DLGAP1: variants seen among roughly 807,000 people sequenced by gnomAD.
DLGAP1 encodes DLG associated protein 1.
DLGAP1 carries 11 observed loss-of-function variants against 90.8 expected under a neutral mutation model. The ratio of observed to expected loss-of-function variants is 0.12; its 90% CI spans 0.08 to 0.20. The LOEUF is 0.20. Among genes scored for constraint, DLGAP1 ranks in the 10% least tolerant of loss-of-function variants. The pLI is 1.00. For missense variants in DLGAP1, 1,050 were observed against 1,333.8 expected, an observed-to-expected ratio of 0.79 and a Z score of 3.31; for synonymous variants, 558 against 540.7, an observed-to-expected ratio of 1.03 and a Z score of -0.44.
chr18:3,616,396 G>A (rs764504952), intron 7 of DLGAP1, among the ~76,000 whole-genome samples: 9 of 152,110 alleles, frequency 5.9e-5, no homozygotes, highest in Non-Finnish European at 1.2e-4. Flanking sequence ...AGCCCATTCG[G>A]TGGTCTGAGG....
chr18:3,793,208 C>T (rs2065825194), intron 5 of DLGAP1, among the ~76,000 whole-genome samples: 2 of 152,142 alleles, frequency 1.3e-5, no homozygotes, highest in South Asian at 4.1e-4. Flanking sequence ...TCCATGTGAT[C>T]CAATGGCCAG....
intron 7 of DLGAP1, among the ~76,000 whole-genome samples, chr18:3,645,606 C>T (rs1465603244): frequency 6.6e-6 from 1 of 152,166 alleles, no homozygotes; most frequent in African/African-American, 2.4e-5. Flanking sequence ...CTTGCAAAAC[C>T]TAGACATGTG....
chr18:4,168,126 G>C (rs2076961528), intron 1 of DLGAP1, among the ~76,000 whole-genome samples: 1 of 152,104 alleles, frequency 6.6e-6, no homozygotes, highest in Admixed American at 6.5e-5. Flanking sequence ...CGCTGGAATA[G>C]CTAAAATAAT....
rs1344658607 is a variant in DLGAP1, at chr18:3,775,868, G to A, written c.1173-33356C>T. ...CCCTTCCCAGAGATAAACAACCCTG[G>A]CTTCTGATACCATAGATTCGTTTGG... On this transcript the variant is annotated intron_variant, in intron 5 of 12. Transcript: ENST00000315677. This position sits in a 1 kb window ranked among gnomAD's most constrained non-coding sequence, Gnocchi z 4.9. 6.6e-6 allele frequency among the ~76,000 whole-genome samples: 1 copy of A among 152,066 alleles called. No individual in the cohort carries two copies. The highest frequency in any genetic ancestry group is 1.5e-5 in the Non-Finnish European group (1 of 68,032).
intron 1 of DLGAP1, among the ~76,000 whole-genome samples, chr18:4,195,158 T>C (rs1304827195): frequency 2.0e-5 from 3 of 152,230 alleles, no homozygotes; most frequent in African/African-American, 7.2e-5. Context: ...TTTAGAATAC[T>C]ACAGTTTTAT....
At chr18:3,978,341 G>T in intron 3 of DLGAP1, 1 of 352,300 alleles carries the variant, frequency 2.8e-6, no homozygotes, top group Non-Finnish European at 5.6e-6. Context: ...AACGTACTCA[G>T]TGCCAGCATC....
At chr18:3,866,751 A>G (rs1475745525) in intron 4 of DLGAP1, among the ~76,000 whole-genome samples, 1 of 152,226 alleles carries the variant, frequency 6.6e-6, no homozygotes, top group South Asian at 2.1e-4. Flanking sequence ...AGGCCACAGC[A>G]AATTAGATCC....
At chr18:4,431,554 TA>T (rs1186419243) in intron 1 of DLGAP1, among the ~76,000 whole-genome samples, 1 of 152,234 alleles carries the variant, frequency 6.6e-6, no homozygotes, top group Non-Finnish European at 1.5e-5. Context: ...ATTAAGAATG[TA>T]ATAGTCAAAA....
intron 1 of DLGAP1, among the ~76,000 whole-genome samples, chr18:4,428,292 T>C (rs1017215699): frequency 6.6e-6 from 1 of 152,246 alleles, no homozygotes; most frequent in East Asian, 1.9e-4. Flanking sequence ...TAAAAGTGTG[T>C]AGCTGGGGCC....
chr18:3,695,406 C>T (rs2061058841), intron 7 of DLGAP1, among the ~76,000 whole-genome samples: 1 of 152,292 alleles, frequency 6.6e-6, no homozygotes, highest in East Asian at 1.9e-4. Flanking sequence ...GGTCCAGTTT[C>T]AGTTCTCTGC....
Position 3,874,028 on chromosome 18 carries a change from C to G in DLGAP1, c.957+5084G>C, listed in dbSNP as rs886290692. 4.0e-6 allele frequency: 6 copies of G among 1,482,704 alleles called. No homozygotes were observed. The African/African-American group carries it at 7.1e-5, about 17-fold the overall frequency. 91.8% of individuals were successfully genotyped at this position (1,482,704 alleles called of 1,614,324 possible). ...TAATTTGTCAGCTCTTCCAGTCTTTCTAGCCATTATTTAGAGGAGAAATAA... is the reference window on the plus strand; with the variant it reads ...TAATTTGTCAGCTCTTCCAGTCTTTGTAGCCATTATTTAGAGGAGAAATAA... On this transcript the variant is annotated intron_variant, in intron 4 of 12. Coordinates refer to ENST00000315677, the MANE Select transcript of DLGAP1 (RefSeq NM_004746.4).
intron 3 of DLGAP1, chr18:3,978,470 T>C: frequency 3.6e-6 from 1 of 274,994 alleles, no homozygotes; most frequent in Non-Finnish European, 7.2e-6. Flanking sequence ...GGTGGAATCA[T>C]ACTGGGACAT....
intron 1 of DLGAP1, among the ~76,000 whole-genome samples, chr18:4,356,777 C>A (rs2081525092): frequency 6.6e-6 from 1 of 152,104 alleles, no homozygotes; most frequent in Non-Finnish European, 1.5e-5. Flanking sequence ...TTCCTCTGCC[C>A]AAAAAGACCC....
intron 2 of DLGAP1, among the ~76,000 whole-genome samples, chr18:4,065,948 T>C (rs1227588563): frequency 8.1e-6 from 1 of 123,468 alleles, no homozygotes; most frequent in Non-Finnish European, 1.7e-5. Flanking sequence ...CAAAACAGCA[T>C]GGTGCTAGTA....
chr18:4,331,730 T>C (rs1411890361), intron 1 of DLGAP1, among the ~76,000 whole-genome samples: 1 of 151,886 alleles, frequency 6.6e-6, no homozygotes, highest in Non-Finnish European at 1.5e-5. Flanking sequence ...GTCTTTCGGC[T>C]TCTTGATTCT....
intron 1 of DLGAP1, among the ~76,000 whole-genome samples, chr18:4,429,686 G>C (rs771415374): frequency 6.6e-6 from 1 of 152,060 alleles, no homozygotes; most frequent in African/African-American, 2.4e-5. Flanking sequence ...TTGTAAAGCT[G>C]GCACTTTGCA....
chr18:4,195,425 A>G (rs2144764038), intron 1 of DLGAP1, among the ~76,000 whole-genome samples: 1 of 152,352 alleles, frequency 6.6e-6, no homozygotes, highest in Non-Finnish European at 1.5e-5. Context: ...GGTTCTAGTC[A>G]GCCCCAATTG....
At chr18:4,001,379 T>C (rs2074181970) in intron 3 of DLGAP1, among the ~76,000 whole-genome samples, 1 of 152,170 alleles carries the variant, frequency 6.6e-6, no homozygotes, top group South Asian at 2.1e-4. Context: ...TTTTCTTCTG[T>C]TTTGTTTGCA....
At chr18:3,765,117 CTTTTTTTTTTTTCTT>C (rs1213914910) in intron 5 of DLGAP1, among the ~76,000 whole-genome samples, 2,511 of 126,392 alleles carry the variant, frequency 0.02, 78 homozygotes, top group Middle Eastern at 0.091. Flanking sequence ...CACTTGCAAA[CTTTTTTTTTTTTCTT>C]TTTTTTTTTT....
Sources: gnomAD v4.1 joint callset for allele counts (sites outside exome capture counted in the v4.1 genomes callset) on GRCh38, gnomAD v4.1.1 for gene constraint, Gnocchi (gnomAD v3.1) non-coding constraint, MANE v1.5 for transcripts, NCBI Gene and HGNC (gene_info 2026-07-23, HGNC 2026-07-21) for gene names.